Variants in HPSE2 observed in about 807,000 individuals in gnomAD.
HPSE2 encodes heparanase 2 (inactive), also known as inactive heparanase-2.
Under a neutral mutation model 60.5 loss-of-function variants are expected in HPSE2, and 38 were observed. The observed-to-expected ratio is 0.63, with a 90% CI of 0.48 to 0.82. The LOEUF is 0.82. Ranked by LOEUF, HPSE2 falls within the 40% of genes least tolerant of loss-of-function variation. The pLI is 0.00. For missense variants in HPSE2, 713 were observed against 740.4 expected (o/e 0.96, Z 0.43); for synonymous variants, 295 against 293.2 (o/e 1.01, Z -0.06).
At chr10:98,773,412 G>T (rs1410940002) in intron 3 of HPSE2, among the ~76,000 whole-genome samples, 1 of 152,062 alleles carries the variant, frequency 6.6e-6, no homozygotes, top group Non-Finnish European at 1.5e-5. Flanking sequence ...AATTAAACTG[G>T]TCTAGATACT....
chr10:99,081,854 T>A (rs1843154243), intron 3 of HPSE2, among the ~76,000 whole-genome samples: 1 of 151,450 alleles, frequency 6.6e-6, no homozygotes, highest in African/African-American at 2.4e-5. Context: ...GCCAGGAAGG[T>A]CTCAATCTCC....
chr10:98,744,244 A>G (rs1949571297), intron 3 of HPSE2, among the ~76,000 whole-genome samples, 188 bp from the exon 4 acceptor site: 1 of 152,076 alleles, frequency 6.6e-6, no homozygotes, highest in Non-Finnish European at 1.5e-5. Context: ...AGCAGCAGAC[A>G]GGGCTGGGCG....
At chr10:98,991,964 T>C (rs1001025313) in intron 3 of HPSE2, among the ~76,000 whole-genome samples, 3 of 152,158 alleles carry the variant, frequency 2.0e-5, no homozygotes, top group Non-Finnish European at 4.4e-5. Context: ...CCATTTTCAT[T>C]TTATCAGTTC....
At chr10:99,008,579 A>G (rs891001697) in intron 3 of HPSE2, among the ~76,000 whole-genome samples, 3 of 152,204 alleles carry the variant, frequency 2.0e-5, no homozygotes, top group Admixed American at 2.0e-4. Flanking sequence ...GCTTTCTTTA[A>G]TCCTGAATAA....
the HPSE2 span, among the ~76,000 whole-genome samples, chr10:99,251,755 T>A: frequency 1.3e-5 from 2 of 149,242 alleles, no homozygotes; most frequent in Non-Finnish European, 3.0e-5. Flanking sequence ...CTAGGCATGG[T>A]GGTTCACATC....
chr10:98,841,808 ATT>A (rs373906376), intron 3 of HPSE2, among the ~76,000 whole-genome samples: 4 of 143,212 alleles, frequency 2.8e-5, no homozygotes, highest in Non-Finnish European at 4.6e-5. Flanking sequence ...ATTCCTTGTA[ATT>A]TTTTTTTTTT....
chr10:99,249,180 A>C, the HPSE2 span, among the ~76,000 whole-genome samples: 6 of 152,182 alleles, frequency 3.9e-5, no homozygotes, highest in African/African-American at 1.4e-4. Flanking sequence ...AGAATGGTAG[A>C]TGCGCCAACA....
intron 2 of HPSE2, among the ~76,000 whole-genome samples, chr10:99,149,388 C>T (rs1589732868): frequency 6.6e-6 from 1 of 152,152 alleles, no homozygotes; most frequent in Admixed American, 6.5e-5. Flanking sequence ...TTATGTGAAG[C>T]AATACAGCAG....
At chr10:98,864,191 T>A (rs1589969517) in intron 3 of HPSE2, among the ~76,000 whole-genome samples, 1 of 152,120 alleles carries the variant, frequency 6.6e-6, no homozygotes, top group African/African-American at 2.4e-5. Flanking sequence ...ACTAATAAGC[T>A]AATAATAAGC....
In HPSE2 at chr10:98,728,755, C is replaced by T. The variant is rs569303669; in HGVS notation, c.785-6927G>A. On this transcript the variant is annotated intron_variant, in intron 4 of 11. Transcript: ENST00000370552. Reference sequence around the variant, plus strand: ...GGGTGTGGTGGCTCATGCCTGTAATCCCAGCACTTTGCTAGGCTGAGGTGG... The same window carrying T: ...GGGTGTGGTGGCTCATGCCTGTAATTCCAGCACTTTGCTAGGCTGAGGTGG... 7.9e-4 allele frequency among the ~76,000 whole-genome samples: 121 copies of T among 152,224 alleles called. 1 individual carries two copies. Among genetic ancestry groups the T allele is most frequent in the African/African-American group, 2.8e-3 (115 of 41,528 alleles).
In HPSE2 at chr10:99,162,195, C is replaced by A. The variant is rs1846872144; in HGVS notation, c.449-17796G>T. On this transcript the variant is annotated intron_variant, in intron 2 of 11. Coordinates refer to ENST00000370552, the MANE Select transcript of HPSE2 (RefSeq NM_021828.5). Reference sequence around the variant, plus strand: ...TTCTGTTATAATGGTAAATTCTGTTCTGTGTATTTAACCATAGTTTTTAAA... The same window carrying A: ...TTCTGTTATAATGGTAAATTCTGTTATGTGTATTTAACCATAGTTTTTAAA... 2.0e-5 allele frequency among the ~76,000 whole-genome samples: 3 copies of A among 152,030 alleles called. No homozygotes were observed. The South Asian group carries it at 6.2e-4, about 31-fold the overall frequency.
intron 9 of HPSE2, among the ~76,000 whole-genome samples, chr10:98,520,091 C>T (rs776099960): frequency 1.1e-4 from 17 of 152,166 alleles, no homozygotes; most frequent in African/African-American, 2.2e-4. Context: ...CCATCTGGCA[C>T]GCATGGCTGA....
rs146364161 is a variant in HPSE2, at chr10:99,188,945, C to T, written c.448+43403G>A. Among the ~76,000 whole-genome samples, 349 of 152,324 alleles carry T rather than the reference C, an allele frequency of 2.3e-3. 2 individuals are homozygous for T. The highest frequency in any genetic ancestry group is 7.8e-3 in the African/African-American group (323 of 41,576). On this transcript the variant is annotated intron_variant, in intron 2 of 11. Transcript: ENST00000370552. ...TCTCTGCAAGAGTCCTGTTCCTCCA[C>T]ATGACTTTTTCCTCTTTTAACACAA... is the stretch of plus-strand genomic sequence containing the variant.
chr10:98,938,644 A>C lies in HPSE2; in HGVS notation c.611-194588T>G, dbSNP rs564436089. The stretch of plus-strand genomic sequence containing the variant: ...TGAAAGTGAGGGGGAGAATGCAACC[A>C]AGTTGGAAAACCCTCTGCAGGATAT... On this transcript the variant is annotated intron_variant, in intron 3 of 11. Coordinates refer to ENST00000370552, the MANE Select transcript of HPSE2 (RefSeq NM_021828.5). 2.1e-4 allele frequency among the ~76,000 whole-genome samples: 31 copies of C among 144,326 alleles called. 4 individuals carry two copies. The highest frequency in any genetic ancestry group is 8.1e-4 in the African/African-American group (29 of 35,672). The allele number at this position is 144,326 out of a possible 152,430, so 94.7% of individuals were successfully genotyped here.
chr10:99,251,814 G>A, the HPSE2 span, among the ~76,000 whole-genome samples: 1 of 132,004 alleles, frequency 7.6e-6, no homozygotes, highest in African/African-American at 3.0e-5. Flanking sequence ...CACATGAGAC[G>A]AAGAGTTTGA....
At chr10:98,879,852 CGTGT>C (rs3043546) in intron 3 of HPSE2, among the ~76,000 whole-genome samples, 1,900 of 145,778 alleles carry the variant, frequency 0.013, 46 homozygotes, top group African/African-American at 0.043. Context: ...TGTGCATGTG[CGTGT>C]GTGTGTGTGT....
intron 9 of HPSE2, among the ~76,000 whole-genome samples, chr10:98,613,112 T>G (rs1463450555): frequency 6.6e-6 from 1 of 152,224 alleles, no homozygotes; most frequent in Non-Finnish European, 1.5e-5. Flanking sequence ...AGAGAAGCCT[T>G]TCCTGCACAT....
At chr10:98,780,442 G>A (rs7085931) in intron 3 of HPSE2, among the ~76,000 whole-genome samples, 2,051 of 152,130 alleles carry the variant, frequency 0.013, 40 homozygotes, top group African/African-American at 0.046. Context: ...ACAAATAATC[G>A]TAGTGGGAAA....
At chr10:98,463,718 T>C (rs1320254272) in intron 11 of HPSE2, among the ~76,000 whole-genome samples, 1 of 152,168 alleles carries the variant, frequency 6.6e-6, no homozygotes, top group Non-Finnish European at 1.5e-5. Context: ...GGTGGGAGGA[T>C]TGCTTGAGCC....
Sources: allele counts gnomAD v4.1 joint callset (sites outside exome capture counted in the v4.1 genomes callset), GRCh38; gene constraint gnomAD v4.1.1; transcripts MANE v1.5; gene names NCBI Gene and HGNC (gene_info 2026-07-23, HGNC 2026-07-21).